LRIG3: variants seen among roughly 807,000 people sequenced by gnomAD.
LRIG3 encodes leucine rich repeats and immunoglobulin like domains 3.
Under a neutral mutation model 114.5 loss-of-function variants are expected in LRIG3, and 76 were observed. The observed-to-expected ratio is 0.66, with a 90% CI of 0.55 to 0.80. LRIG3 has a LOEUF of 0.80. Ranked by LOEUF, LRIG3 falls within the 30% of genes least tolerant of loss-of-function variation. LRIG3 has a pLI of 0.00. For synonymous variants in LRIG3, 512 were observed against 519.8 expected, an observed-to-expected ratio of 0.98 and a Z score of 0.20; for missense variants, 1,239 against 1,382.8, an observed-to-expected ratio of 0.90 and a Z score of 1.65.
In LRIG3 at chr12:58,890,100, C is replaced by T. The variant is rs771561829; in HGVS notation, c.555G>A (p.Gly185=). 3 of 1,613,820 alleles carry T rather than the reference C, an allele frequency of 1.9e-6. No homozygotes were observed. Among genetic ancestry groups the T allele is most frequent in the Admixed American group, 1.7e-5 (1 of 59,996 alleles). The change falls in exon 5 of 19, where the codon GGG becomes GGA. Residue 185 remains glycine, a synonymous_variant. Transcript: ENST00000320743. ...GTGTGTTGGCCAAATTGTCAAAATA[C>T]CCAGGTTCCATTGATGTGACTCGGT... ...NSNRVTSMEP[G]YFDNLANTLL... is the part of the protein sequence containing the mutation.
chr12:58,904,955 A>AT lies in LRIG3; in HGVS notation c.383+9026dup, dbSNP rs138698862. Among the ~76,000 whole-genome samples the AT allele has an allele frequency of 9.0e-3, 1,365 of 152,360 alleles. 25 individuals carry two copies. The highest frequency in any genetic ancestry group is 0.031 in the African/African-American group (1,298 of 41,592). On this transcript the variant is annotated intron_variant, in intron 3 of 18. Transcript: ENST00000320743. ...AAGTAGACATTATAATAAAGAAGAT[A>AT]TAAAAATGTATAAGGGGAAACCTAA...
chr12:58,903,744 A>C (rs1871955850), intron 3 of LRIG3, among the ~76,000 whole-genome samples: 1 of 151,440 alleles, frequency 6.6e-6, no homozygotes, highest in South Asian at 2.1e-4. Flanking sequence ...ATTTTTGTAT[A>C]AGGTGTAAGG....
chr12:58,904,284 AC>A (rs1871979532), intron 3 of LRIG3, among the ~76,000 whole-genome samples: 1 of 152,162 alleles, frequency 6.6e-6, no homozygotes, highest in Non-Finnish European at 1.5e-5. Flanking sequence ...GGGAAAAATA[AC>A]TAGGCCAGGA....
At chr12:58,876,302 T>C in intron 16 of LRIG3, 143 bp downstream of exon 16, 8 of 784,240 alleles carry the variant, frequency 1.0e-5, no homozygotes, top group Middle Eastern at 3.5e-4. Context: ...TATAGAACTA[T>C]ACAATTTCAA....
At chr12:58,877,897 T>C (rs766354611) in intron 14 of LRIG3, 45 bp from the exon 15 acceptor site, 2 of 1,534,694 alleles carry the variant, frequency 1.3e-6, no homozygotes, top group South Asian at 1.2e-5. Flanking sequence ...TAAAATTTAG[T>C]TTCCATATCA....
chr12:58,899,889 A>G (rs1296041849), intron 3 of LRIG3, among the ~76,000 whole-genome samples: 12 of 152,186 alleles, frequency 7.9e-5, no homozygotes, highest in East Asian at 1.9e-4. Flanking sequence ...AAATTCTCCA[A>G]TCTCCAGTCT....
chr12:58,916,339 A>G (rs1443768715), intron 1 of LRIG3, among the ~76,000 whole-genome samples: 1 of 152,172 alleles, frequency 6.6e-6, no homozygotes, highest in East Asian at 1.9e-4. Context: ...AGTTTTGTGT[A>G]CTATTAAAAC....
Position 58,880,868 on chromosome 12 carries a change from G to A in LRIG3, c.1514C>T (p.Pro505Leu). 6.2e-7 allele frequency: 1 copy of A among 1,613,648 alleles called. No individual in the cohort carries two copies. Among genetic ancestry groups the A allele is most frequent in the East Asian group, 2.2e-5 (1 of 44,864 alleles). Residue 505 changes from proline to leucine, a missense_variant, in exon 13 of 19, where the codon CCA becomes CTA. Coordinates refer to ENST00000320743, the MANE Select transcript of LRIG3 (RefSeq NM_153377.5). ...DFPKPQITVQ[P>L]ETQSAIKGSN... ...ACCTTTTATTGCCGACTGTGTTTCT[G>A]GCTGAACCGTGATCTGGGGTTTGGG...
chr12:58,896,734 C>T (rs112589536), intron 3 of LRIG3, among the ~76,000 whole-genome samples: 2,169 of 152,284 alleles, frequency 0.014, 54 homozygotes, highest in African/African-American at 0.048. Context: ...TCCCCTAAGT[C>T]CAATTCAGTG....
Position 58,872,784 on chromosome 12 carries a change from G to C in LRIG3, c.3148C>G (p.Leu1050Val), listed in dbSNP as rs75850843. The change falls in exon 19 of 19, where the codon CTA becomes GTA. Residue 1050 changes from leucine to valine, a missense_variant. Physicochemically the swap from Leu to Val is conservative, Grantham distance 32. Transcript: ENST00000320743. The stretch of plus-strand genomic sequence containing the variant: ...TGTCCAAAGCTTGAATAGGCATCTA[G>C]GTGAGGTCTCCTGAGAGCTTTTCCA... ...TFGKALRRPH[L>V]DAYSSFGQPS... The C allele has an allele frequency of 1.1e-3, 1,772 of 1,613,944 alleles. 23 individuals are homozygous for C. In the African/African-American group the frequency reaches 0.022, roughly 20 times the overall value.
chr12:58,891,090 ATTTTTCTTTT>A (rs1480113753), intron 3 of LRIG3, among the ~76,000 whole-genome samples: 1 of 151,130 alleles, frequency 6.6e-6, no homozygotes, highest in East Asian at 1.9e-4. Flanking sequence ...TCTTTATCCT[ATTTTTCTTTT>A]TTTTTAAAAA....
intron 3 of LRIG3, among the ~76,000 whole-genome samples, chr12:58,906,930 T>C (rs946346687): frequency 3.3e-5 from 5 of 151,560 alleles, no homozygotes; most frequent in African/African-American, 1.2e-4. Flanking sequence ...TGCTTAACTG[T>C]AGTCATTTTA....
chr12:58,920,331 C>T lies in LRIG3; in HGVS notation c.-96G>A, dbSNP rs1274182622. The T allele has an allele frequency of 3.3e-6, 3 of 919,046 alleles. No homozygotes were observed. The South Asian group carries it at 1.0e-4, about 31-fold the overall frequency. 56.9% of individuals were successfully genotyped at this position (919,046 alleles called of 1,614,324 possible). ...CCAGCCGAGGGTGCACGCCCGCCCT[C>T]GCGGTCGCGTGCGCGCTCCTCCCTC... On this transcript the variant is annotated 5_prime_UTR_variant, in exon 1 of 19. Transcript: ENST00000320743.
At chr12:58,876,321 G>T in intron 16 of LRIG3, 124 bp downstream of exon 16, 1 of 970,172 alleles carries the variant, frequency 1.0e-6, no homozygotes, top group Non-Finnish European at 1.5e-6. Flanking sequence ...AACCTTGCTA[G>T]TGATCTTGGG....
chr12:58,919,669 G>C (rs889219031), intron 1 of LRIG3: 1 of 1,219,902 alleles, frequency 8.2e-7, no homozygotes, highest in Non-Finnish European at 1.1e-6. Context: ...CCTGGGCCTG[G>C]CAGGAGCAAG....
In LRIG3 at chr12:58,879,052, T is replaced by C. The variant is rs1871030271; in HGVS notation, c.1855A>G (p.Met619Val). ...PMDLTIRAGAMARLECAAVGH... is the reference protein window; with the variant it reads ...PMDLTIRAGAVARLECAAVGH... ...ACAGCAGCACACTCCAAGCGTGCCA[T>C]GGCCCCAGCTCGGATGGTGAGATCC... Residue 619 changes from methionine to valine, a missense_variant, in exon 14 of 19, where the codon ATG becomes GTG. By Grantham distance (21) the Met-to-Val change is conservative. Coordinates refer to ENST00000320743, the MANE Select transcript of LRIG3 (RefSeq NM_153377.5). The C allele has an allele frequency of 2.5e-6, 4 of 1,614,122 alleles. No individual in the cohort carries two copies. The highest frequency in any genetic ancestry group is 1.6e-4 in the Middle Eastern group (1 of 6,062).
intron 14 of LRIG3, 29 bp downstream of exon 14, chr12:58,878,795 T>C (rs560622313): frequency 2.6e-5 from 41 of 1,596,876 alleles, no homozygotes; most frequent in Non-Finnish European, 3.3e-5. Flanking sequence ...GACTGATTTA[T>C]ACTACAGAAT....
At chr12:58,882,415 A>C (rs1871152473) in intron 12 of LRIG3, among the ~76,000 whole-genome samples, 1 of 152,186 alleles carries the variant, frequency 6.6e-6, no homozygotes, top group African/African-American at 2.4e-5. Context: ...CACATTTCCT[A>C]TTACTTGTAA....
chr12:58,901,708 C>A (rs1056186476), intron 3 of LRIG3, among the ~76,000 whole-genome samples: 1 of 152,136 alleles, frequency 6.6e-6, no homozygotes, highest in African/African-American at 2.4e-5. Flanking sequence ...TTTTAAGACT[C>A]ACAAGAATTA....
Sources: gnomAD v4.1 joint callset for allele counts (sites outside exome capture counted in the v4.1 genomes callset) on GRCh38, gnomAD v4.1.1 for gene constraint, MANE v1.5 for transcripts, NCBI Gene and HGNC (gene_info 2026-07-23, HGNC 2026-07-21) for gene names.